Variants in DEPTOR observed in about 807,000 individuals in gnomAD.
The protein encoded by DEPTOR is DEP domain containing MTOR interacting protein.
DEPTOR carries 41 observed loss-of-function variants against 41.6 expected under a neutral mutation model. The ratio of observed to expected loss-of-function variants is 0.98; its 90% CI spans 0.77 to 1.28. The LOEUF (loss-of-function observed/expected upper bound fraction) is 1.28, where lower values mean the gene tolerates loss of function less well. Among genes scored for constraint, DEPTOR ranks in the 50% most tolerant of loss-of-function variants. DEPTOR has a pLI of 0.00. For synonymous variants in DEPTOR, 195 were observed against 192.3 expected (o/e 1.01, Z -0.12); for missense variants, 514 against 527.9 (o/e 0.97, Z 0.26).
chr8:119,918,121 T>A (rs1827838028), intron 1 of DEPTOR, among the ~76,000 whole-genome samples: 1 of 152,112 alleles, frequency 6.6e-6, no homozygotes, highest in Non-Finnish European at 1.5e-5. Flanking sequence ...CTGGCGTGGA[T>A]CCTCTGTGTG....
chr8:119,971,230 CAAAA>C (rs36009381), intron 4 of DEPTOR, among the ~76,000 whole-genome samples: 10 of 109,512 alleles, frequency 9.1e-5, no homozygotes, highest in Admixed American at 1.9e-4. Flanking sequence ...GACTCCGTCT[CAAAA>C]AAAAAAAAAA....
rs557483516 is a variant in DEPTOR at position 119,926,409 on chromosome 8, T to C, written c.123-1991T>C. On this transcript the variant is annotated intron_variant, in intron 1 of 8. Transcript: ENST00000286234. ...TTAGCATAAAACATTAATCCTAATG[T>C]ACTAACCTTCAAGGTTAATAAAATA... is the stretch of plus-strand genomic sequence containing the variant. Among the ~76,000 whole-genome samples, 12 of 152,366 alleles carry C rather than the reference T, an allele frequency of 7.9e-5. No homozygotes were observed. In the South Asian group the frequency reaches 2.5e-3, roughly 32 times the overall value.
At chr8:120,012,665 T>C (rs1031999053) in intron 8 of DEPTOR, among the ~76,000 whole-genome samples, 6 of 152,054 alleles carry the variant, frequency 3.9e-5, no homozygotes, top group African/African-American at 1.2e-4. Flanking sequence ...GTCTCCCAAG[T>C]AGCTGGGACT....
At position 119,932,808 on chromosome 8, in the gene DEPTOR, G is replaced by A. The variant is rs528080304; in HGVS notation, c.425+2870G>A. The stretch of plus-strand genomic sequence containing the variant: ...TTTAAATAGGGGCATCGGGGAAGAC[G>A]TTTTTGAAGAGACAACATTTGAATA... On this transcript the variant is annotated intron_variant, in intron 3 of 8. Coordinates refer to ENST00000286234, the MANE Select transcript of DEPTOR (RefSeq NM_022783.4). 8.5e-5 allele frequency among the ~76,000 whole-genome samples: 13 copies of A among 152,256 alleles called. No homozygotes were observed. In the East Asian group the frequency reaches 1.9e-3, roughly 23 times the overall value.
intron 3 of DEPTOR, among the ~76,000 whole-genome samples, chr8:119,935,598 G>A (rs1586622488): frequency 1.3e-5 from 2 of 152,068 alleles, no homozygotes; most frequent in Middle Eastern, 3.4e-3. Flanking sequence ...GCATGCACCT[G>A]TAATCCCAGC....
chr8:119,894,606 C>T (rs563149538), intron 1 of DEPTOR, among the ~76,000 whole-genome samples: 2 of 152,058 alleles, frequency 1.3e-5, no homozygotes, highest in East Asian at 3.9e-4. Context: ...CTGTGTTAGC[C>T]AGGATGGTCT....
chr8:120,024,393 C>A (rs7832657), intron 8 of DEPTOR, among the ~76,000 whole-genome samples: 1 of 152,018 alleles, frequency 6.6e-6, no homozygotes, highest in Admixed American at 6.6e-5. Context: ...CTGTTAGGGG[C>A]TGAATTTTGT....
At chr8:119,998,159 G>C (rs959276274) in intron 4 of DEPTOR, among the ~76,000 whole-genome samples, 2 of 152,166 alleles carry the variant, frequency 1.3e-5, no homozygotes, top group African/African-American at 4.8e-5. Context: ...AGTGATCTTG[G>C]CTCACTGCAA....
At chr8:120,003,163 G>A (rs200175694) in intron 6 of DEPTOR, 52 bp downstream of exon 6, 241 of 1,588,172 alleles carry the variant, frequency 1.5e-4, no homozygotes, top group Non-Finnish European at 1.3e-4. Flanking sequence ...ACTTGGGCAG[G>A]TCCCTGGGAA....
At chr8:119,887,202 C>T (rs1827378655) in intron 1 of DEPTOR, among the ~76,000 whole-genome samples, 1 of 125,412 alleles carries the variant, frequency 8.0e-6, no homozygotes, top group Non-Finnish European at 1.7e-5. Flanking sequence ...TGGAGTTTTA[C>T]TCACTCTGTC....
chr8:119,898,915 A>C (rs1283178799), intron 1 of DEPTOR, among the ~76,000 whole-genome samples: 2 of 152,178 alleles, frequency 1.3e-5, no homozygotes, highest in Non-Finnish European at 1.5e-5. Flanking sequence ...GACATTAAAA[A>C]TATATGTGCC....
intron 8 of DEPTOR, among the ~76,000 whole-genome samples, chr8:120,014,962 G>A (rs1812587497): frequency 6.6e-6 from 1 of 151,264 alleles, no homozygotes; most frequent in African/African-American, 2.4e-5. Flanking sequence ...TACTATCTAT[G>A]ATAACCTTAT....
chr8:119,995,320 C>T (rs914444735), intron 4 of DEPTOR, among the ~76,000 whole-genome samples: 2 of 152,172 alleles, frequency 1.3e-5, no homozygotes, highest in African/African-American at 4.8e-5. Flanking sequence ...GGCACGGTGG[C>T]TCATGCCTGT....
intron 1 of DEPTOR, among the ~76,000 whole-genome samples, chr8:119,894,997 A>G (rs760957761): frequency 1.2e-4 from 18 of 152,190 alleles, no homozygotes; most frequent in Non-Finnish European, 1.9e-4. Flanking sequence ...AATGCATTCC[A>G]TGGTAGAACG....
At chr8:119,965,807 G>A (rs1363518822) in intron 4 of DEPTOR, among the ~76,000 whole-genome samples, 2 of 152,152 alleles carry the variant, frequency 1.3e-5, no homozygotes, top group Admixed American at 6.6e-5. Flanking sequence ...CAGAAGGTTG[G>A]TTGTTAGAGA....
intron 8 of DEPTOR, among the ~76,000 whole-genome samples, chr8:120,028,151 C>CT (rs1160621608): frequency 1.3e-5 from 2 of 151,414 alleles, no homozygotes; most frequent in African/African-American, 2.4e-5. Flanking sequence ...AGATGATGTA[C>CT]TTTTTTTTTC....
intron 4 of DEPTOR, among the ~76,000 whole-genome samples, chr8:119,981,999 G>C (rs933121788): frequency 8.0e-5 from 10 of 124,332 alleles, no homozygotes; most frequent in Non-Finnish European, 1.3e-4. Flanking sequence ...AGTCGACAGT[G>C]TGAGATTCCA....
chr8:119,932,636 T>G (rs1828059751), intron 3 of DEPTOR, among the ~76,000 whole-genome samples: 1 of 152,194 alleles, frequency 6.6e-6, no homozygotes, highest in South Asian at 2.1e-4. Context: ...CAGAAATGCC[T>G]GTAGCAAAGC....
intron 1 of DEPTOR, among the ~76,000 whole-genome samples, chr8:119,891,959 G>A (rs1321072213): frequency 6.6e-6 from 1 of 152,054 alleles, no homozygotes; most frequent in Non-Finnish European, 1.5e-5. Context: ...CATCCCCTCA[G>A]CCTCTGTTGG....
Sources: gnomAD v4.1 joint callset for allele counts (sites outside exome capture counted in the v4.1 genomes callset) on GRCh38, gnomAD v4.1.1 for gene constraint, MANE v1.5 for transcripts, NCBI Gene and HGNC (gene_info 2026-07-23, HGNC 2026-07-21) for gene names.